The following CRYM variants were observed in gnomAD, a reference collection of about 807,000 sequenced individuals.
CRYM encodes the protein crystallin mu.
In CRYM, 18 loss-of-function variants were observed where a neutral mutation model predicts 32.9. That is an observed-to-expected ratio of 0.55 (90% CI 0.38 to 0.81). The LOEUF is 0.81. CRYM is among the 30% of genes least tolerant of loss of function. The pLI, the probability that CRYM is intolerant of heterozygous loss-of-function variation, is 0.00. For missense variants in CRYM, 337 were observed against 393.5 expected, an observed-to-expected ratio of 0.86 and a Z score of 1.21; for synonymous variants, 153 against 152.4, an observed-to-expected ratio of 1.00 and a Z score of -0.03.
chr16:21,268,269 T>C (rs758696168), intron 4 of CRYM, among the ~76,000 whole-genome samples: 1 of 152,228 alleles, frequency 6.6e-6, no homozygotes, highest in African/African-American at 2.4e-5. Flanking sequence ...TTTATGATAA[T>C]GTTTTTCATG....
intron 1 of CRYM, among the ~76,000 whole-genome samples, chr16:21,289,361 C>T (rs936433530): frequency 1.3e-5 from 2 of 152,064 alleles, no homozygotes. Context: ...TATCTTAAAG[C>T]CTATTTTGTC....
intron 3 of CRYM, among the ~76,000 whole-genome samples, chr16:21,275,173 A>G (rs964430676): frequency 6.6e-6 from 1 of 152,206 alleles, no homozygotes; most frequent in Admixed American, 6.5e-5. Flanking sequence ...GAAGCCAGAG[A>G]GGTCAAGTAT....
chr16:21,273,053 A>G (rs1174614406), intron 3 of CRYM, among the ~76,000 whole-genome samples: 1 of 151,878 alleles, frequency 6.6e-6, no homozygotes, highest in African/African-American at 2.4e-5. Flanking sequence ...GGTTTTGCTT[A>G]CCCCATGCTG....
chr16:21,280,563 G>A (rs918487130), upstream of CRYM, among the ~76,000 whole-genome samples: 2 of 152,102 alleles, frequency 1.3e-5, no homozygotes, highest in Admixed American at 1.3e-4. Context: ...ACACAACTGA[G>A]CAGCCTTAAT....
chr16:21,273,758 A>G (rs1436279353), intron 3 of CRYM, among the ~76,000 whole-genome samples: 1 of 152,234 alleles, frequency 6.6e-6, no homozygotes, highest in Non-Finnish European at 1.5e-5. Flanking sequence ...CCTTCCTCAC[A>G]GAAACTCGTA....
In CRYM at chr16:21,265,450, C is replaced by A. The variant is rs547287386; in HGVS notation, c.673+2104G>T. Among the ~76,000 whole-genome samples, 5 of 152,316 alleles carry A rather than the reference C, an allele frequency of 3.3e-5. No homozygotes were observed. The South Asian group carries it at 1.0e-3, about 32-fold the overall frequency. ...TTGAAAACACCTCTCTCTGCTTCTACCTTCCACCTCCACCACCAGCCTCTA... is the reference window on the plus strand; with the variant it reads ...TTGAAAACACCTCTCTCTGCTTCTAACTTCCACCTCCACCACCAGCCTCTA... On this transcript the variant is annotated intron_variant, in intron 5 of 7. Coordinates refer to ENST00000572914, the MANE Select transcript of CRYM (RefSeq NM_001376256.1).
chr16:21,269,265 C>A (rs1465408014), intron 4 of CRYM, among the ~76,000 whole-genome samples: 1 of 151,778 alleles, frequency 6.6e-6, no homozygotes, highest in Admixed American at 6.6e-5. Context: ...TTTAAAACTG[C>A]TCCATCCCTT....
At chr16:21,270,402 GC>G (rs893989402) in intron 3 of CRYM, among the ~76,000 whole-genome samples, 1 of 151,914 alleles carries the variant, frequency 6.6e-6, no homozygotes, top group South Asian at 2.1e-4. Flanking sequence ...TCCTACCTCA[GC>G]CCCCCGTGGA....
upstream of CRYM, chr16:21,278,488 T>C (rs2093392325): frequency 5.7e-5 from 34 of 595,958 alleles, no homozygotes; most frequent in South Asian, 6.3e-4. Flanking sequence ...AAGATGGACA[T>C]CGCGGTGGCG....
At chr16:21,262,764 T>C (rs1433563882) in intron 5 of CRYM, among the ~76,000 whole-genome samples, 2 of 152,202 alleles carry the variant, frequency 1.3e-5, no homozygotes, top group Admixed American at 1.3e-4. Context: ...CACGTACTAT[T>C]TATGGTTCTC....
intron 5 of CRYM, among the ~76,000 whole-genome samples, chr16:21,263,850 G>A (rs1334570262): frequency 6.6e-6 from 1 of 152,166 alleles, no homozygotes; most frequent in African/African-American, 2.4e-5. Context: ...CTTCCGAAGG[G>A]GACAGTCATT....
intron 1 of CRYM, among the ~76,000 whole-genome samples, chr16:21,295,575 C>A (rs79300408): frequency 6.6e-6 from 1 of 152,012 alleles, no homozygotes. Flanking sequence ...TCAAGGAATT[C>A]GTCCATTTCA....
intron 3 of CRYM, among the ~76,000 whole-genome samples, chr16:21,273,795 T>A (rs994057409): frequency 2.0e-5 from 3 of 152,196 alleles, no homozygotes; most frequent in Non-Finnish European, 2.9e-5. Context: ...GGAAATGAGT[T>A]TGAAAAAGAC....
At chr16:21,279,802 G>A (rs2152863594), upstream of CRYM, among the ~76,000 whole-genome samples, 1 of 152,284 alleles carries the variant, frequency 6.6e-6, no homozygotes, top group East Asian at 1.9e-4. Context: ...GGATGAGTAA[G>A]TGTCAAAATC....
intron 5 of CRYM, among the ~76,000 whole-genome samples, chr16:21,266,333 C>T (rs1237849698): frequency 6.6e-6 from 1 of 152,078 alleles, no homozygotes; most frequent in Non-Finnish European, 1.5e-5. Flanking sequence ...ATAGTTCCTG[C>T]CTCATAAGTT....
At chr16:21,293,028 A>AAGATAGATAGATAGATAGAT (rs3029354) in intron 1 of CRYM, among the ~76,000 whole-genome samples, 95 of 150,480 alleles carry the variant, frequency 6.3e-4, no homozygotes, top group African/African-American at 1.9e-3. Flanking sequence ...AAGTAGATAG[A>AAGATAGATAGATAGATAGAT]AGATAGATAG....
intron 3 of CRYM, among the ~76,000 whole-genome samples, chr16:21,272,353 G>C (rs1414673829): frequency 6.6e-6 from 1 of 152,064 alleles, no homozygotes; most frequent in African/African-American, 2.4e-5. Flanking sequence ...CTCTAAAGCT[G>C]TCTCTCATAC....
At chr16:21,264,854 C>T (rs1356030625) in intron 5 of CRYM, among the ~76,000 whole-genome samples, 1 of 152,098 alleles carries the variant, frequency 6.6e-6, no homozygotes, top group Non-Finnish European at 1.5e-5. Context: ...AGGAAAGGGG[C>T]TCCCCCCATC....
At chr16:21,286,542 C>A (rs2093407667) in intron 1 of CRYM, among the ~76,000 whole-genome samples, 2 of 151,928 alleles carry the variant, frequency 1.3e-5, no homozygotes, top group Admixed American at 6.6e-5. Flanking sequence ...ACATAATTGA[C>A]AAGGATATTT....
Sources: allele counts gnomAD v4.1 joint callset (sites outside exome capture counted in the v4.1 genomes callset), GRCh38; gene constraint gnomAD v4.1.1; transcripts MANE v1.5; gene names NCBI Gene and HGNC (gene_info 2026-07-23, HGNC 2026-07-21).